SCAI: variants seen among roughly 807,000 people sequenced by gnomAD.
SCAI encodes the protein protein SCAI.
SCAI carries 24 observed loss-of-function variants against 92.2 expected under a neutral mutation model. That is an observed-to-expected ratio of 0.26 (90% CI 0.19 to 0.37). The LOEUF (loss-of-function observed/expected upper bound fraction) is 0.37. Among genes scored for constraint, SCAI ranks in the 10% least tolerant of loss-of-function variants. The pLI is 1.00. For missense variants in SCAI, 450 were observed against 736.2 expected, an observed-to-expected ratio of 0.61 and a Z score of 4.50; for synonymous variants, 261 against 258.6, an observed-to-expected ratio of 1.01 and a Z score of -0.09.
intron 14 of SCAI, among the ~76,000 whole-genome samples, chr9:124,987,451 C>T (rs1022735426): frequency 1.3e-5 from 2 of 152,122 alleles, no homozygotes; most frequent in African/African-American, 4.8e-5. Context: ...ACTTGTTACA[C>T]AAATATTGGT....
At chr9:124,979,627 A>C (rs921954372) in intron 14 of SCAI, among the ~76,000 whole-genome samples, 3 of 152,274 alleles carry the variant, frequency 2.0e-5, no homozygotes, top group African/African-American at 4.8e-5. Context: ...AACAGGTAAC[A>C]GTGATTATCT....
intron 2 of SCAI, among the ~76,000 whole-genome samples, chr9:125,140,690 C>CAAAAAAA (rs35807255): frequency 3.9e-5 from 3 of 76,482 alleles, no homozygotes; most frequent in Middle Eastern, 6.9e-3. Context: ...CTTGTCTCTA[C>CAAAAAAA]AAAAAAAAAA....
intron 2 of SCAI, among the ~76,000 whole-genome samples, chr9:125,067,812 T>C (rs1472404065): frequency 2.6e-5 from 4 of 151,080 alleles, no homozygotes; most frequent in African/African-American, 9.7e-5. Context: ...GATTACAAAA[T>C]GGGCAAACAA....
Position 125,009,327 on chromosome 9 carries a change from C to T in SCAI, c.862-5757G>A, listed in dbSNP as rs200285362. On this transcript the variant is annotated intron_variant, in intron 9 of 17. Coordinates refer to ENST00000336505, the MANE Select transcript of SCAI (RefSeq NM_001144877.3). Reference sequence around the variant, plus strand: ...TTCTGTTGCCCAGGCTGCAGTGCAGCGGTGCAATCTGGGCTCACTGCAGCC... The same window carrying T: ...TTCTGTTGCCCAGGCTGCAGTGCAGTGGTGCAATCTGGGCTCACTGCAGCC... Among the ~76,000 whole-genome samples, 62 of 152,248 alleles carry T rather than the reference C, an allele frequency of 4.1e-4. 1 individual carries two copies. The East Asian group carries it at 9.5e-3, about 23-fold the overall frequency.
intron 17 of SCAI, among the ~76,000 whole-genome samples, chr9:124,969,940 G>A (rs1039744262): frequency 4.0e-5 from 6 of 151,850 alleles, no homozygotes; most frequent in East Asian, 3.8e-4. Flanking sequence ...TGCAACCTCC[G>A]CCTCCTGGGT....
intron 6 of SCAI, among the ~76,000 whole-genome samples, chr9:125,021,343 C>T (rs2586220): frequency 0.024 from 3,693 of 152,216 alleles, 142 homozygotes; most frequent in African/African-American, 0.084. Context: ...TTTATATCTA[C>T]CACCTTGCTA....
At chr9:124,961,128 TAAA>T (rs11382746) in intron 17 of SCAI, among the ~76,000 whole-genome samples, 2 of 119,858 alleles carry the variant, frequency 1.7e-5, no homozygotes, top group African/African-American at 3.1e-5. Flanking sequence ...TGTCTCAAAT[TAAA>T]AAAAAAAAAA....
At chr9:124,987,817 G>T (rs1832029585) in intron 14 of SCAI, among the ~76,000 whole-genome samples, 1 of 152,014 alleles carries the variant, frequency 6.6e-6, no homozygotes, top group African/African-American at 2.4e-5. Flanking sequence ...ACAAAAATTA[G>T]CCGGGTGTGG....
chr9:125,024,277 G>GTTTT (rs777338173), intron 6 of SCAI, among the ~76,000 whole-genome samples: 3 of 137,446 alleles, frequency 2.2e-5, no homozygotes, highest in Admixed American at 7.4e-5. Flanking sequence ...TTTTTATGAA[G>GTTTT]TTTTTTTTTT....
intron 2 of SCAI, among the ~76,000 whole-genome samples, chr9:125,089,688 G>T (rs556850385): frequency 2.8e-5 from 4 of 145,208 alleles, no homozygotes; most frequent in Non-Finnish European, 5.9e-5. Context: ...TTTGGGGTTG[G>T]GGGGGGCAGT....
intron 8 of SCAI, 37 bp downstream of exon 8, chr9:125,019,070 T>G: frequency 2.0e-6 from 3 of 1,532,474 alleles, no homozygotes; most frequent in Non-Finnish European, 2.7e-6. Context: ...GGTCATTTAT[T>G]TATCAATAAT....
chr9:125,057,730 G>T (rs996321773), intron 2 of SCAI, among the ~76,000 whole-genome samples: 20 of 152,204 alleles, frequency 1.3e-4, no homozygotes, highest in Non-Finnish European at 2.2e-4. Context: ...GTAGGAGCCT[G>T]AGCACCTCCA....
intron 2 of SCAI, among the ~76,000 whole-genome samples, chr9:125,116,377 A>G (rs942660143): frequency 2.0e-4 from 31 of 152,174 alleles, no homozygotes; most frequent in African/African-American, 7.2e-4. Context: ...ATTTGAGCAG[A>G]GGAAGGAAGA....
chr9:125,138,094 C>G (rs1835578000), intron 2 of SCAI, among the ~76,000 whole-genome samples: 1 of 152,120 alleles, frequency 6.6e-6, no homozygotes, highest in African/African-American at 2.4e-5. Flanking sequence ...TTCATTTCTT[C>G]TTGGCCTTTA....
At chr9:125,085,038 C>T (rs1834298404) in intron 2 of SCAI, among the ~76,000 whole-genome samples, 1 of 152,174 alleles carries the variant, frequency 6.6e-6, no homozygotes, top group Non-Finnish European at 1.5e-5. Flanking sequence ...TCCTATCTTA[C>T]TGACTACTGT....
chr9:124,969,351 T>TG (rs922737720), intron 17 of SCAI, among the ~76,000 whole-genome samples: 2 of 151,922 alleles, frequency 1.3e-5, no homozygotes, highest in African/African-American at 4.8e-5. Flanking sequence ...CAGGCATATT[T>TG]GAAAAAAAAA....
chr9:125,138,091 C>T (rs540326788), intron 2 of SCAI, among the ~76,000 whole-genome samples: 17 of 152,058 alleles, frequency 1.1e-4, no homozygotes, highest in Non-Finnish European at 2.2e-4. Flanking sequence ...TCTTTCATTT[C>T]TTCTTGGCCT....
rs181851987 is a variant in SCAI, at chr9:125,051,148, G to A, written c.230+4728C>T. On this transcript the variant is annotated intron_variant, in intron 3 of 17. Coordinates refer to ENST00000336505, the MANE Select transcript of SCAI (RefSeq NM_001144877.3). Reference sequence around the variant, plus strand: ...AGCGATTCTCCTGTCTCAGCCTCCCGAGTAGCTGAGATTACAGGTGTGTGC... The same window carrying A: ...AGCGATTCTCCTGTCTCAGCCTCCCAAGTAGCTGAGATTACAGGTGTGTGC... 6.4e-4 allele frequency among the ~76,000 whole-genome samples: 98 copies of A among 152,052 alleles called. No individual in the cohort carries two copies. The East Asian group carries it at 0.018, about 27-fold the overall frequency.
At chr9:124,962,173 G>GGA (rs1564358560) in intron 17 of SCAI, among the ~76,000 whole-genome samples, 23 of 118,630 alleles carry the variant, frequency 1.9e-4, no homozygotes, top group African/African-American at 5.9e-4. Flanking sequence ...TTTTTTTTGC[G>GGA]GGGGGGGATG....
Sources: gnomAD v4.1 joint callset for allele counts (sites outside exome capture counted in the v4.1 genomes callset) on GRCh38, gnomAD v4.1.1 for gene constraint, MANE v1.5 for transcripts, NCBI Gene and HGNC (gene_info 2026-07-23, HGNC 2026-07-21) for gene names.